Variants in DAB1 observed in about 807,000 individuals in gnomAD.
DAB1 encodes the protein disabled homolog 1.
Under a neutral mutation model 64.6 loss-of-function variants are expected in DAB1, and 15 were observed. That is an observed-to-expected ratio of 0.23 (90% CI 0.16 to 0.36). The LOEUF (loss-of-function observed/expected upper bound fraction) is 0.36. Ranked by LOEUF, DAB1 falls within the 10% of genes least tolerant of loss-of-function variation. DAB1 has a pLI of 1.00. For synonymous variants in DAB1, 235 were observed against 251.9 expected (o/e 0.93, Z 0.64); for missense variants, 596 against 706.7 (o/e 0.84, Z 1.78).
chr1:58,263,388 C>T (rs1203633720), intron 4 of DAB1, among the ~76,000 whole-genome samples: 2 of 151,854 alleles, frequency 1.3e-5, no homozygotes, highest in African/African-American at 4.8e-5. Flanking sequence ...CCCTGAATCA[C>T]TTCTAGTGAT....
At position 57,058,719 on chromosome 1, in the gene DAB1, C is replaced by T. The variant is rs1650084586; in HGVS notation, c.723+4165G>A. ...CATCACCATTACATAGCTGAGAAGA[C>T]CAAAGACCGAATAGAGCAAAGGGCT... On this transcript the variant is annotated intron_variant, in intron 9 of 14. Coordinates refer to ENST00000371236, the MANE Select transcript of DAB1 (RefSeq NM_001365792.1). 2.0e-5 allele frequency among the ~76,000 whole-genome samples: 3 copies of T among 152,274 alleles called. No homozygotes were observed. In the South Asian group the frequency reaches 6.2e-4, roughly 32 times the overall value.
At chr1:57,916,037 CTT>C (rs1400528010) in intron 5 of DAB1, among the ~76,000 whole-genome samples, 1 of 152,180 alleles carries the variant, frequency 6.6e-6, no homozygotes, top group African/African-American at 2.4e-5. Flanking sequence ...GAACTGGACT[CTT>C]TGTGCCAAGA....
intron 6 of DAB1, among the ~76,000 whole-genome samples, chr1:57,698,589 T>C (rs1352912270): frequency 6.6e-6 from 1 of 152,180 alleles, no homozygotes; most frequent in Non-Finnish European, 1.5e-5. Flanking sequence ...GACCAGCAAA[T>C]AATCAACCTG....
At chr1:57,800,350 A>G (rs1271096182) in intron 6 of DAB1, among the ~76,000 whole-genome samples, 2 of 152,322 alleles carry the variant, frequency 1.3e-5, no homozygotes, top group Middle Eastern at 3.4e-3. Flanking sequence ...CTAGAAAAGA[A>G]AAAAACCCAA....
At chr1:57,618,201 G>T (rs918481055) in intron 7 of DAB1, among the ~76,000 whole-genome samples, 1 of 152,088 alleles carries the variant, frequency 6.6e-6, no homozygotes, top group Non-Finnish European at 1.5e-5. Context: ...GATCACTTGA[G>T]GTCAGGAGTT....
intron 1 of DAB1, among the ~76,000 whole-genome samples, chr1:57,323,949 CTAAT>C (rs1328419148): frequency 6.6e-6 from 1 of 151,996 alleles, no homozygotes; most frequent in Non-Finnish European, 1.5e-5. Context: ...GGATTTCTCT[CTAAT>C]CTGAGAGCAA....
chr1:57,631,951 A>C (rs898395240), intron 7 of DAB1, among the ~76,000 whole-genome samples: 1 of 152,208 alleles, frequency 6.6e-6, no homozygotes, highest in Non-Finnish European at 1.5e-5. Context: ...TATTAGCATC[A>C]GGAGACATAT....
At chr1:57,893,256 T>C (rs1644344261) in intron 5 of DAB1, among the ~76,000 whole-genome samples, 1 of 152,150 alleles carries the variant, frequency 6.6e-6, no homozygotes. Context: ...TTCAGGAGCC[T>C]GAAAGAAGCA....
intron 2 of DAB1, among the ~76,000 whole-genome samples, chr1:57,259,772 C>T (rs534277448): frequency 4.6e-5 from 7 of 152,304 alleles, no homozygotes; most frequent in Non-Finnish European, 8.8e-5. Context: ...CCAATTACTT[C>T]TGAGCTTCTG....
At chr1:57,684,601 G>A (rs1356501315) in intron 6 of DAB1, among the ~76,000 whole-genome samples, 1 of 151,896 alleles carries the variant, frequency 6.6e-6, no homozygotes, top group Non-Finnish European at 1.5e-5. Flanking sequence ...AGTCACACAA[G>A]AGCAAAAAGT....
chr1:57,206,599 G>A (rs144754051), intron 2 of DAB1, among the ~76,000 whole-genome samples: 1 of 152,256 alleles, frequency 6.6e-6, no homozygotes, highest in African/African-American at 2.4e-5. Flanking sequence ...TGGGGCTCAT[G>A]GTTCTCTCTT....
At chr1:57,276,543 A>T (rs559735857) in intron 2 of DAB1, among the ~76,000 whole-genome samples, 1 of 152,212 alleles carries the variant, frequency 6.6e-6, no homozygotes, top group Non-Finnish European at 1.5e-5. Context: ...TTGTAATGTG[A>T]GGTAGCTTTT....
chr1:57,539,993 G>A (rs988783327), intron 7 of DAB1, among the ~76,000 whole-genome samples: 2 of 152,146 alleles, frequency 1.3e-5, no homozygotes, highest in South Asian at 2.1e-4. Context: ...TTTGGTGGCC[G>A]TGCAAAACCA....
chr1:57,782,517 T>C (rs1650148212), intron 6 of DAB1, among the ~76,000 whole-genome samples: 1 of 152,200 alleles, frequency 6.6e-6, no homozygotes, highest in Non-Finnish European at 1.5e-5. Context: ...TCCCTAGATA[T>C]TATGTTATCA....
chr1:57,912,073 A>G (rs948546781), intron 5 of DAB1, among the ~76,000 whole-genome samples: 9 of 152,248 alleles, frequency 5.9e-5, no homozygotes, highest in African/African-American at 2.2e-4. Context: ...GGTTGTTTTA[A>G]AAGTTAATAC....
chr1:58,358,533 CCCCTCTAG>C (rs1207567022), intron 3 of DAB1, among the ~76,000 whole-genome samples: 1 of 152,018 alleles, frequency 6.6e-6, no homozygotes, highest in South Asian at 2.1e-4. Flanking sequence ...CAATCCGGTC[CCCCTCTAG>C]CCCAGCTACT....
At chr1:58,014,164 T>G (rs962806589) in intron 5 of DAB1, among the ~76,000 whole-genome samples, 1 of 152,182 alleles carries the variant, frequency 6.6e-6, no homozygotes, top group Non-Finnish European at 1.5e-5. Flanking sequence ...CATGCAGCAA[T>G]GAATTGGGAG....
At chr1:58,132,421 G>T (rs1570397823) in intron 5 of DAB1, among the ~76,000 whole-genome samples, 1 of 152,206 alleles carries the variant, frequency 6.6e-6, no homozygotes, top group Admixed American at 6.5e-5. Flanking sequence ...CCCGTCTTCT[G>T]CGTCGCTCAC....
At chr1:57,033,239 A>G (rs1647022157) in intron 9 of DAB1, 3 of 820,586 alleles carry the variant, frequency 3.7e-6, no homozygotes, top group Admixed American at 1.9e-5. Context: ...GGGCCCACCA[A>G]TAGTCTTCCT....
Sources: allele counts gnomAD v4.1 joint callset (sites outside exome capture counted in the v4.1 genomes callset), GRCh38; gene constraint gnomAD v4.1.1; transcripts MANE v1.5; gene names NCBI Gene and HGNC (gene_info 2026-07-23, HGNC 2026-07-21).